PCDH15: variants seen among roughly 807,000 people sequenced by gnomAD.
PCDH15 encodes the protein protocadherin-15.
PCDH15 carries 129 observed loss-of-function variants against 178.5 expected under a neutral mutation model. The observed-to-expected ratio is 0.72, with a 90% CI of 0.63 to 0.84. The LOEUF (loss-of-function observed/expected upper bound fraction) is 0.84, where lower values mean the gene tolerates loss of function less well. PCDH15 is among the 40% of genes least tolerant of loss of function. The pLI is 0.00. For missense variants in PCDH15, 2,230 were observed against 2,099.9 expected (o/e 1.06, Z -1.21); for synonymous variants, 800 against 732.0 (o/e 1.09, Z -1.50).
chr10:55,203,330 A>G (rs938584349), intron 1 of PCDH15, among the ~76,000 whole-genome samples: 2 of 152,098 alleles, frequency 1.3e-5, no homozygotes, highest in East Asian at 1.9e-4. Flanking sequence ...TATTATAACA[A>G]TATTATGAGT....
rs752753497 is a variant in PCDH15 at position 53,809,098 on chromosome 10, T to TCTGACTCTG, written c.4671+1449_4671+1457dup. On this transcript the variant is annotated intron_variant, in intron 37 of 37. Transcript: ENST00000644397. ...AATGTTTTTCCTTGCTTTTTCTCCT[T>TCTGACTCTG]CTGACTCTGTGGATTCCGATTCTTC... 1.5e-5 allele frequency: 24 copies of TCTGACTCTG among 1,613,816 alleles called. No homozygotes were observed. The highest frequency in any genetic ancestry group is 1.9e-5 in the Non-Finnish European group (23 of 1,179,884).
chr10:53,809,648 T>A, intron 37 of PCDH15: 2 of 1,080,342 alleles, frequency 1.9e-6, no homozygotes, highest in Non-Finnish European at 1.3e-6. Context: ...GGGTGATAGC[T>A]TCATGCATGT....
chr10:55,422,703 T>C (rs1838652486), intron 2 of PCDH15, among the ~76,000 whole-genome samples: 1 of 151,950 alleles, frequency 6.6e-6, no homozygotes, highest in African/African-American at 2.4e-5. Context: ...GCAGAGTATA[T>C]TAAAATAATC....
At chr10:55,243,047 GA>G (rs1380163124) in intron 1 of PCDH15, among the ~76,000 whole-genome samples, 1 of 152,138 alleles carries the variant, frequency 6.6e-6, no homozygotes, top group African/African-American at 2.4e-5. Flanking sequence ...TTTGCTTATA[GA>G]TTTTTTTTCA....
chr10:54,110,709 T>C (rs1220265442), intron 15 of PCDH15, among the ~76,000 whole-genome samples: 1 of 152,210 alleles, frequency 6.6e-6, no homozygotes, highest in East Asian at 1.9e-4. Context: ...CCTGGAGCTT[T>C]CTTTAAAAAA....
At chr10:54,408,341 A>G (rs1952980124) in intron 3 of PCDH15, among the ~76,000 whole-genome samples, 1 of 152,246 alleles carries the variant, frequency 6.6e-6, no homozygotes, top group Non-Finnish European at 1.5e-5. Flanking sequence ...GGATAAATGT[A>G]TAGTCTCATT....
rs189357572 is a variant in PCDH15, at chr10:54,300,166, T to C, written c.876+17105A>G. Among the ~76,000 whole-genome samples the C allele has an allele frequency of 2.6e-3, 392 of 152,226 alleles. 1 individual carries two copies. Among genetic ancestry groups the C allele is most frequent in the African/African-American group, 7.1e-3 (294 of 41,544 alleles). Reference sequence around the variant, plus strand: ...CCTTCTTAGGGGAAGAGTGTTGTTTTTACCCTAACCAGTCAGGGATAGTAA... The same window carrying C: ...CCTTCTTAGGGGAAGAGTGTTGTTTCTACCCTAACCAGTCAGGGATAGTAA... On this transcript the variant is annotated intron_variant, in intron 8 of 37. Transcript: ENST00000644397.
chr10:55,187,245 T>G (rs960897410), intron 1 of PCDH15, among the ~76,000 whole-genome samples: 3 of 151,942 alleles, frequency 2.0e-5, no homozygotes, highest in African/African-American at 7.2e-5. Context: ...ACAAATACTA[T>G]TACATAGAGG....
chr10:54,829,868 G>A (rs1247618532), intron 3 of PCDH15, among the ~76,000 whole-genome samples: 5 of 152,032 alleles, frequency 3.3e-5, no homozygotes, highest in African/African-American at 2.4e-5. Context: ...ATGCTTTTTT[G>A]TTGTTATGCA....
At chr10:53,895,758 C>T (rs1015963516) in intron 26 of PCDH15, among the ~76,000 whole-genome samples, 1 of 152,148 alleles carries the variant, frequency 6.6e-6, no homozygotes, top group African/African-American at 2.4e-5. Context: ...GTTACCTTAA[C>T]AGGGGGTGTC....
At chr10:54,529,785 C>T (rs2083721889) in intron 2 of PCDH15, among the ~76,000 whole-genome samples, 1 of 151,940 alleles carries the variant, frequency 6.6e-6, no homozygotes, top group African/African-American at 2.4e-5. Context: ...AAAATGATTT[C>T]AACATTTCTT....
At chr10:55,594,836 G>T (rs1842908654) in intron 2 of PCDH15, among the ~76,000 whole-genome samples, 1 of 151,980 alleles carries the variant, frequency 6.6e-6, no homozygotes, top group Non-Finnish European at 1.5e-5. Flanking sequence ...CACTGGACTG[G>T]TGATGTGACA....
At chr10:54,062,522 A>G (rs1590191610) in intron 18 of PCDH15, among the ~76,000 whole-genome samples, 1 of 152,256 alleles carries the variant, frequency 6.6e-6, no homozygotes, top group Non-Finnish European at 1.5e-5. Flanking sequence ...ATTCCATCCT[A>G]TAAACATTAC....
At chr10:54,476,586 A>C (rs989741065) in intron 3 of PCDH15, among the ~76,000 whole-genome samples, 3 of 152,132 alleles carry the variant, frequency 2.0e-5, no homozygotes, top group African/African-American at 7.2e-5. Context: ...CTTTTAGGTT[A>C]TAATCCAAAG....
intron 2 of PCDH15, among the ~76,000 whole-genome samples, chr10:54,952,648 T>C (rs866989223): frequency 7.9e-5 from 12 of 151,800 alleles, no homozygotes; most frequent in Admixed American, 7.2e-4. Context: ...TTTCCGTTTA[T>C]TTAGATATAT....
chr10:53,957,919 A>G (rs1171600980), intron 23 of PCDH15, among the ~76,000 whole-genome samples: 1 of 152,200 alleles, frequency 6.6e-6, no homozygotes, highest in Non-Finnish European at 1.5e-5. Context: ...TGTTTTACAT[A>G]TGGTTTACAT....
chr10:54,277,708 T>C (rs1047427607), intron 8 of PCDH15, among the ~76,000 whole-genome samples: 2 of 151,662 alleles, frequency 1.3e-5, no homozygotes, highest in Non-Finnish European at 3.0e-5. Context: ...TCTTGGTTAC[T>C]ATAAAAGTTA....
At chr10:54,357,721 A>T (rs566646995) in intron 5 of PCDH15, among the ~76,000 whole-genome samples, 1 of 152,322 alleles carries the variant, frequency 6.6e-6, no homozygotes, top group East Asian at 1.9e-4. Flanking sequence ...TCCTAAGCCA[A>T]AACCACAAAG....
chr10:54,631,873 C>T (rs1016286814), intron 2 of PCDH15, among the ~76,000 whole-genome samples: 1 of 152,026 alleles, frequency 6.6e-6, no homozygotes, highest in Non-Finnish European at 1.5e-5. Flanking sequence ...CTCATGAGAA[C>T]TCACACACTT....
Sources: allele counts gnomAD v4.1 joint callset (sites outside exome capture counted in the v4.1 genomes callset), GRCh38; gene constraint gnomAD v4.1.1; transcripts MANE v1.5; gene names NCBI Gene and HGNC (gene_info 2026-07-23, HGNC 2026-07-21).